USP39: variants seen among roughly 807,000 people sequenced by gnomAD.
USP39 encodes ubiquitin specific peptidase 39, also known as ubiquitin carboxyl-terminal hydrolase 39.
In USP39, 38 loss-of-function variants were observed where a neutral mutation model predicts 66.4. That is an observed-to-expected ratio of 0.57 (90% CI 0.44 to 0.75). USP39 has a LOEUF of 0.75. Among genes scored for constraint, USP39 ranks in the 30% least tolerant of loss-of-function variants. The probability of loss-of-function intolerance (pLI) is 0.00; values close to 1 mark genes in which losing one functional copy is unlikely to be tolerated. For missense variants in USP39, 608 were observed against 714.4 expected, an observed-to-expected ratio of 0.85 and a Z score of 1.70; for synonymous variants, 303 against 274.6, an observed-to-expected ratio of 1.10 and a Z score of -1.02.
chr2:85,621,981 G>A (rs1057345382), intron 3 of USP39, among the ~76,000 whole-genome samples: 2 of 152,088 alleles, frequency 1.3e-5, no homozygotes, highest in Non-Finnish European at 2.9e-5. Context: ...CACCATGCCT[G>A]GCTAATTTTT....
intron 4 of USP39, 100 bp downstream of exon 4, chr2:85,623,882 C>T: frequency 7.5e-7 from 1 of 1,338,178 alleles, no homozygotes; most frequent in South Asian, 1.5e-5. Context: ...GAATCTCAGT[C>T]CCTTTAGGCA....
intron 9 of USP39, 32 bp from the exon 10 acceptor site, chr2:85,640,922 TCTAATACTACTGAACTTCAGCA>T: frequency 6.5e-7 from 1 of 1,533,750 alleles, no homozygotes; most frequent in Non-Finnish European, 8.8e-7. Flanking sequence ...ATGCCCCTGC[TCTAATACTACTGAACTTCAGCA>T]CTAATTTGAG....
In USP39 at chr2:85,623,682, TC is replaced by T; in HGVS notation, c.472del (p.Gln158SerfsTer36). The T allele has an allele frequency of 6.2e-7, 1 of 1,614,040 alleles. No individual in the cohort carries two copies. The highest frequency in any genetic ancestry group is 8.5e-7 in the Non-Finnish European group (1 of 1,179,970). Reference protein sequence around the residue: ...GLKSHAYIHSVQFSHHVFLNL... With the variant: ...GLKSHAYIHSXQFSHHVFLNL... ...AAGTCTCACGCCTACATTCACAGTG[TC>T]CAGTTTAGCCACCATGTTTTCCTCA... On this transcript the variant is annotated frameshift_variant, in exon 4 of 13. Transcript: ENST00000323701. LOFTEE classifies it high-confidence loss of function.
At position 85,642,615 on chromosome 2, in the gene USP39, C is replaced by T. The variant is rs761285610; in HGVS notation, c.1427+1497C>T. ...TGAGAAAAAGATTGTTTCTTAACTA[C>T]GCAGTCTTTTAGAGAACATCAAATT... On this transcript the variant is annotated intron_variant, in intron 10 of 12. Transcript: ENST00000323701. Among the ~76,000 whole-genome samples, 7 of 152,314 alleles carry T rather than the reference C, an allele frequency of 4.6e-5. No individual in the cohort carries two copies. The South Asian group carries it at 1.2e-3, about 27-fold the overall frequency.
upstream of USP39, chr2:85,616,022 G>T: frequency 8.0e-7 from 1 of 1,252,908 alleles, no homozygotes; most frequent in South Asian, 3.1e-5. Flanking sequence ...TCTAAGGGGA[G>T]AGGAAGCCAG....
chr2:85,643,074 T>TA lies in USP39; in HGVS notation c.1428-1858dup, dbSNP rs556017123. Among the ~76,000 whole-genome samples the TA allele has an allele frequency of 5.1e-3, 678 of 133,412 alleles. 4 individuals are homozygous for TA. Among genetic ancestry groups the TA allele is most frequent in the Middle Eastern group, 0.012 (3 of 260 alleles). The allele number at this position is 133,412 out of a possible 152,430, so 87.5% of individuals were successfully genotyped here. A position where few individuals can be genotyped will look rare whatever the true frequency, so the allele number is the denominator to read the frequency against. ...CAACATAGCAAGACCTTGTCTCTAC[T>TA]AAAAAAAAAAAAAAAATGAATAGTT... On this transcript the variant is annotated intron_variant, in intron 10 of 12. Coordinates refer to ENST00000323701, the MANE Select transcript of USP39 (RefSeq NM_006590.4).
At chr2:85,608,705 A>C (rs1356521539), upstream of USP39, 1 of 179,312 alleles carries the variant, frequency 5.6e-6, no homozygotes, top group East Asian at 2.1e-4. Flanking sequence ...AATCCTCAAA[A>C]AAAAAAAAAA....
intron 5 of USP39, 120 bp downstream of exon 5, chr2:85,625,811 G>C: frequency 7.7e-7 from 1 of 1,300,030 alleles, no homozygotes. Flanking sequence ...CTGAGGTCAA[G>C]AGTTTGAGCC....
chr2:85,619,599 C>G (rs889802229), intron 2 of USP39, among the ~76,000 whole-genome samples: 1 of 149,630 alleles, frequency 6.7e-6, no homozygotes, highest in Non-Finnish European at 1.5e-5. Context: ...GCCTGGGATT[C>G]AGCAGAAAAA....
At chr2:85,644,794 C>T (rs1676515627) in intron 10 of USP39, among the ~76,000 whole-genome samples, 154 bp from the exon 11 acceptor site, 1 of 151,692 alleles carries the variant, frequency 6.6e-6, no homozygotes, top group South Asian at 2.1e-4. Flanking sequence ...TTTGTGAATT[C>T]CAACGCACCT....
chr2:85,631,020 A>ATT, intron 6 of USP39, 74 bp downstream of exon 6: 1 of 1,503,248 alleles, frequency 6.7e-7, no homozygotes, highest in Non-Finnish European at 9.1e-7. Flanking sequence ...CTTGGCAGTG[A>ATT]ATTTTTTTTT....
At chr2:85,609,223 C>T (rs1673346992), upstream of USP39, among the ~76,000 whole-genome samples, 1 of 152,240 alleles carries the variant, frequency 6.6e-6, no homozygotes, top group South Asian at 2.1e-4. Context: ...TGATTCTCCA[C>T]TGGGGGCCAA....
intron 10 of USP39, 91 bp from the exon 11 acceptor site, chr2:85,644,857 T>C: frequency 4.5e-6 from 7 of 1,549,160 alleles, no homozygotes; most frequent in Non-Finnish European, 6.1e-6. Flanking sequence ...AAAATAGGGC[T>C]GAACAATTTT....
At chr2:85,613,526 C>T (rs541561668), upstream of USP39, among the ~76,000 whole-genome samples, 1 of 152,018 alleles carries the variant, frequency 6.6e-6, no homozygotes, top group Non-Finnish European at 1.5e-5. Context: ...AAAACAGGGA[C>T]CAATGGTGGT....
At chr2:85,634,060 A>G (rs1412727428) in intron 6 of USP39, among the ~76,000 whole-genome samples, 1 of 149,636 alleles carries the variant, frequency 6.7e-6, no homozygotes, top group Non-Finnish European at 1.5e-5. Flanking sequence ...GATGGTCTCG[A>G]TCTCCTGACC....
Position 85,640,793 on chromosome 2 carries a change from T to A in USP39, c.1285-183T>A, listed in dbSNP as rs1262533304. On this transcript the variant is annotated intron_variant, in intron 9 of 12. Coordinates refer to ENST00000323701, the MANE Select transcript of USP39 (RefSeq NM_006590.4). ...CGGCCTTTTTTTTTTTTTTTTTTTT[T>A]AAATCAGCCTTAGCCAAACTGCACA... is the stretch of plus-strand genomic sequence containing the variant. Among the ~76,000 whole-genome samples the A allele has an allele frequency of 4.7e-5, 7 of 147,534 alleles. No individual in the cohort carries two copies. The highest frequency in any genetic ancestry group is 9.0e-5 in the Non-Finnish European group (6 of 66,766).
chr2:85,631,036 A>C, intron 6 of USP39, 90 bp downstream of exon 6: 1 of 1,234,204 alleles, frequency 8.1e-7, no homozygotes, highest in Admixed American at 2.1e-5. Context: ...TTTTTTTGAG[A>C]TGGAGTCTCA....
At chr2:85,616,034 G>A, upstream of USP39, 5 of 1,275,578 alleles carry the variant, frequency 3.9e-6, no homozygotes, top group Non-Finnish European at 4.0e-6. Context: ...GGAAGCCAGT[G>A]CAGGAACAGC....
At chr2:85,645,569 A>G (rs1331147091) in intron 11 of USP39, among the ~76,000 whole-genome samples, 1 of 152,136 alleles carries the variant, frequency 6.6e-6, no homozygotes, top group African/African-American at 2.4e-5. Flanking sequence ...GGCGTGAGCC[A>G]CCGCGCCAAC....
Sources: gnomAD v4.1 joint callset for allele counts (sites outside exome capture counted in the v4.1 genomes callset) on GRCh38, gnomAD v4.1.1 for gene constraint, MANE v1.5 for transcripts, NCBI Gene and HGNC (gene_info 2026-07-23, HGNC 2026-07-21) for gene names.